THRB: variants seen among roughly 807,000 people sequenced by gnomAD.
THRB encodes nuclear receptor subfamily 1 group A member 2.
In THRB, 12 loss-of-function variants were observed where a neutral mutation model predicts 47.8. The observed-to-expected ratio is 0.25, with a 90% CI of 0.16 to 0.41. The LOEUF is 0.41. Ranked by LOEUF, THRB falls within the 10% of genes least tolerant of loss-of-function variation. THRB has a pLI of 1.00. For synonymous variants in THRB, 218 were observed against 212.2 expected (o/e 1.03, Z -0.24); for missense variants, 348 against 589.2 (o/e 0.59, Z 4.24).
At chr3:24,131,788 C>T (rs945303988) in intron 9 of THRB, among the ~76,000 whole-genome samples, 7 of 152,152 alleles carry the variant, frequency 4.6e-5, no homozygotes, top group Non-Finnish European at 7.4e-5. Context: ...GTAACTTGAT[C>T]GTGAACGTCC....
At chr3:24,245,147 C>G (rs528710982) in intron 3 of THRB, among the ~76,000 whole-genome samples, 25 of 152,324 alleles carry the variant, frequency 1.6e-4, no homozygotes, top group Admixed American at 8.5e-4. Context: ...GAGGAGGACA[C>G]AGTCACTATG....
intron 3 of THRB, among the ~76,000 whole-genome samples, chr3:24,274,761 T>A (rs1272586187): frequency 6.6e-6 from 1 of 152,180 alleles, no homozygotes; most frequent in Admixed American, 6.5e-5. Flanking sequence ...CAATTGGTGG[T>A]TGTTGGTTAA....
chr3:24,477,091 T>G (rs1466640057), intron 1 of THRB, among the ~76,000 whole-genome samples: 1 of 142,006 alleles, frequency 7.0e-6, no homozygotes, highest in Non-Finnish European at 1.5e-5. Context: ...AAGGGGTGTG[T>G]GTGTGTGTGT....
At chr3:24,432,346 A>G (rs2070518364) in intron 1 of THRB, among the ~76,000 whole-genome samples, 1 of 152,102 alleles carries the variant, frequency 6.6e-6, no homozygotes, top group South Asian at 2.1e-4. Flanking sequence ...GAGTCAACAT[A>G]CAGCTTAAAA....
intron 1 of THRB, among the ~76,000 whole-genome samples, chr3:24,480,732 C>A (rs1696230071): frequency 6.6e-6 from 1 of 152,140 alleles, no homozygotes; most frequent in African/African-American, 2.4e-5. Context: ...CACTGCCAGA[C>A]AATGAAGAGA....
chr3:24,323,456 T>G (rs1005199264), intron 2 of THRB, among the ~76,000 whole-genome samples: 18 of 152,202 alleles, frequency 1.2e-4, no homozygotes, highest in African/African-American at 4.3e-4. Flanking sequence ...TCTCCAATTT[T>G]ACTGTGCATA....
chr3:24,413,684 A>G (rs960041591), intron 1 of THRB, among the ~76,000 whole-genome samples: 11 of 151,682 alleles, frequency 7.3e-5, no homozygotes, highest in Non-Finnish European at 1.3e-4. Context: ...CATCATTTAC[A>G]TTAGGTATAC....
rs138158916 is a variant in THRB at position 24,321,602 on chromosome 3, A to T, written c.-189+15698T>A. Among the ~76,000 whole-genome samples, 26 of 152,158 alleles carry T rather than the reference A, an allele frequency of 1.7e-4. No individual in the cohort carries two copies. In the East Asian group the frequency reaches 4.8e-3, roughly 28 times the overall value. ...CTTCTAAGGTTTCATAAATTCCTTG[A>T]AAATTTATGGGGGATTGTATGCTAA... On this transcript the variant is annotated intron_variant, in intron 2 of 10. Transcript: ENST00000646209.
At chr3:24,423,557 A>T (rs1577457321) in intron 1 of THRB, among the ~76,000 whole-genome samples, 1 of 151,842 alleles carries the variant, frequency 6.6e-6, no homozygotes, top group African/African-American at 2.4e-5. Flanking sequence ...ATGCCCTTCA[A>T]CACTCATTCT....
intron 3 of THRB, among the ~76,000 whole-genome samples, chr3:24,232,065 G>T (rs1279703800): frequency 6.6e-6 from 1 of 152,130 alleles, no homozygotes; most frequent in African/African-American, 2.4e-5. Context: ...GTCAGGGAAG[G>T]GTTTTCAGTT....
At chr3:24,206,474 C>T (rs2045365789) in intron 4 of THRB, among the ~76,000 whole-genome samples, 1 of 152,048 alleles carries the variant, frequency 6.6e-6, no homozygotes, top group South Asian at 2.1e-4. Context: ...ACACAACATA[C>T]CAGAATCTCT....
intron 1 of THRB, among the ~76,000 whole-genome samples, chr3:24,461,194 G>T (rs2073667937): frequency 6.6e-6 from 1 of 152,160 alleles, no homozygotes; most frequent in East Asian, 1.9e-4. Flanking sequence ...TACAGTCTTG[G>T]GTTTTGAAGT....
chr3:24,343,469 C>A (rs71328474), intron 1 of THRB, among the ~76,000 whole-genome samples: 1 of 152,044 alleles, frequency 6.6e-6, no homozygotes, highest in Non-Finnish European at 1.5e-5. Context: ...ACGAAACAAG[C>A]GCAAGAGTAC....
chr3:24,168,596 G>T (rs1377375708), intron 5 of THRB, among the ~76,000 whole-genome samples: 1 of 151,142 alleles, frequency 6.6e-6, no homozygotes, highest in Non-Finnish European at 1.5e-5. Flanking sequence ...AGTTCCTGAG[G>T]TTATTTACAT....
chr3:24,491,632 C>T (rs567021717), intron 1 of THRB, among the ~76,000 whole-genome samples: 1 of 152,322 alleles, frequency 6.6e-6, no homozygotes, highest in African/African-American at 2.4e-5. Flanking sequence ...TGCCCCCTCA[C>T]CAACCACCAC....
chr3:24,349,952 G>C (rs2063265826), intron 1 of THRB, among the ~76,000 whole-genome samples: 1 of 151,858 alleles, frequency 6.6e-6, no homozygotes, highest in Non-Finnish European at 1.5e-5. Context: ...AGTGAAAAGT[G>C]GGAAACAATA....
chr3:24,130,532 A>C (rs746079097), intron 9 of THRB, among the ~76,000 whole-genome samples: 3 of 152,138 alleles, frequency 2.0e-5, no homozygotes, highest in Admixed American at 6.5e-5. Flanking sequence ...GACTCAGTAG[A>C]GTTCCTCCTC....
rs80246076 is a variant in THRB at position 24,171,549 on chromosome 3, C to T, written c.283+18525G>A. Among the ~76,000 whole-genome samples the T allele has an allele frequency of 5.7e-3, 861 of 152,258 alleles. 2 individuals carry two copies. The highest frequency in any genetic ancestry group is 0.019 in the African/African-American group (779 of 41,558). On this transcript the variant is annotated intron_variant, in intron 5 of 10. Transcript: ENST00000646209. ...ACTGAATCCCAAGGGGATGAAGTGA[C>T]TTGTCACATGGTAGGTGGTAGCCGT...
chr3:24,389,009 G>C (rs987543910), intron 1 of THRB, among the ~76,000 whole-genome samples: 34 of 152,132 alleles, frequency 2.2e-4, no homozygotes, highest in African/African-American at 8.2e-4. Context: ...TCTACTTTGT[G>C]ATAACTGAGT....
Sources: gnomAD v4.1 joint callset for allele counts (sites outside exome capture counted in the v4.1 genomes callset) on GRCh38, gnomAD v4.1.1 for gene constraint, MANE v1.5 for transcripts, NCBI Gene and HGNC (gene_info 2026-07-23, HGNC 2026-07-21) for gene names.